GNAQ: variants seen among roughly 807,000 people sequenced by gnomAD.
The protein encoded by GNAQ is G protein subunit alpha q, also known as guanine nucleotide-binding protein G(q) subunit alpha.
Under a neutral mutation model 43.9 loss-of-function variants are expected in GNAQ, and 8 were observed. The ratio of observed to expected loss-of-function variants is 0.18; its 90% CI spans 0.11 to 0.33. The LOEUF (loss-of-function observed/expected upper bound fraction) is 0.33, where lower values mean the gene tolerates loss of function less well. GNAQ is among the 10% of genes least tolerant of loss of function. The probability of loss-of-function intolerance (pLI) is 1.00; values close to 1 mark genes in which losing one functional copy is unlikely to be tolerated. For synonymous variants in GNAQ, 155 were observed against 170.7 expected (o/e 0.91, Z 0.71); for missense variants, 158 against 450.8 (o/e 0.35, Z 5.88).
intron 3 of GNAQ, among the ~76,000 whole-genome samples, chr9:77,811,852 C>T (rs1826933167): frequency 6.6e-6 from 1 of 152,150 alleles, no homozygotes; most frequent in Non-Finnish European, 1.5e-5. Flanking sequence ...GTCCAGTTAA[C>T]TCTGGTTTAT....
chr9:78,030,930 A>ACGCGCCCG (rs773448805), intron 1 of GNAQ, among the ~76,000 whole-genome samples, 170 bp downstream of exon 1: 35 of 143,952 alleles, frequency 2.4e-4, no homozygotes, highest in South Asian at 8.6e-4. Flanking sequence ...TCTGTGTGTA[A>ACGCGCCCG]CGCGCCCGCG....
In GNAQ at chr9:77,985,594, A is replaced by AT. The variant is rs546572524; in HGVS notation, c.136+45505dup. On this transcript the variant is annotated intron_variant, in intron 1 of 6. Coordinates refer to ENST00000286548, the MANE Select transcript of GNAQ (RefSeq NM_002072.5). The stretch of plus-strand genomic sequence containing the variant: ...TATAATTTTTAATTTTTCTATTTTT[A>AT]TTTTTTTTGAGACAGAGTCTCGCTC... 4.8e-3 allele frequency among the ~76,000 whole-genome samples: 733 copies of AT among 151,820 alleles called. 7 individuals carry two copies. Among genetic ancestry groups the AT allele is most frequent in the Non-Finnish European group, 8.8e-3 (597 of 67,888 alleles).
At chr9:78,026,371 T>C (rs1202980052) in intron 1 of GNAQ, among the ~76,000 whole-genome samples, 1 of 152,204 alleles carries the variant, frequency 6.6e-6, no homozygotes, top group East Asian at 1.9e-4. Context: ...ATGAGGGATG[T>C]TCCCACTTTG....
chr9:77,793,584 C>T (rs1023674221), intron 5 of GNAQ, among the ~76,000 whole-genome samples: 2 of 152,038 alleles, frequency 1.3e-5, no homozygotes, highest in Non-Finnish European at 2.9e-5. Context: ...ACGGGGATCT[C>T]TCACTTCCTT....
At chr9:77,993,085 T>C (rs1338300304) in intron 1 of GNAQ, among the ~76,000 whole-genome samples, 1 of 152,204 alleles carries the variant, frequency 6.6e-6, no homozygotes, top group African/African-American at 2.4e-5. Context: ...ATGGTAACCT[T>C]ATATATAAAA....
intron 5 of GNAQ, among the ~76,000 whole-genome samples, chr9:77,761,351 G>A (rs1467327042): frequency 5.0e-4 from 62 of 124,246 alleles, no homozygotes; most frequent in African/African-American, 6.7e-4. Flanking sequence ...CCGGCCAGCC[G>A]CCCCGTCCGG....
chr9:77,898,818 T>C (rs934965006), intron 2 of GNAQ, among the ~76,000 whole-genome samples: 3 of 152,222 alleles, frequency 2.0e-5, no homozygotes, highest in African/African-American at 7.2e-5. Flanking sequence ...TTACAACATA[T>C]ACATTTTGAG....
chr9:77,857,835 C>A (rs1587367936), intron 2 of GNAQ, among the ~76,000 whole-genome samples: 1 of 148,058 alleles, frequency 6.8e-6, no homozygotes. Flanking sequence ...AATGAAAAAA[C>A]AATTTATAGG....
At chr9:77,999,908 G>A (rs1823622676) in intron 1 of GNAQ, among the ~76,000 whole-genome samples, 1 of 152,158 alleles carries the variant, frequency 6.6e-6, no homozygotes, top group Non-Finnish European at 1.5e-5. Flanking sequence ...AAAGCTCTAA[G>A]TTAGGGTAAC....
At chr9:77,995,046 T>C (rs1050174825) in intron 1 of GNAQ, among the ~76,000 whole-genome samples, 1 of 152,216 alleles carries the variant, frequency 6.6e-6, no homozygotes, top group Non-Finnish European at 1.5e-5. Context: ...ATGTGTGCTA[T>C]AGCAGCTCAT....
chr9:77,735,500 G>A (rs1180697083), intron 5 of GNAQ, among the ~76,000 whole-genome samples: 1 of 152,134 alleles, frequency 6.6e-6, no homozygotes, highest in Non-Finnish European at 1.5e-5. Context: ...CTCCAAAGCT[G>A]TATGAAAAAA....
At chr9:77,969,758 A>T (rs560894130) in intron 1 of GNAQ, among the ~76,000 whole-genome samples, 1 of 152,302 alleles carries the variant, frequency 6.6e-6, no homozygotes, top group South Asian at 2.1e-4. Context: ...ATGTGAAGGC[A>T]TCAAATTCAT....
chr9:77,910,832 C>T (rs1018861612), intron 2 of GNAQ, among the ~76,000 whole-genome samples: 2 of 152,148 alleles, frequency 1.3e-5, no homozygotes, highest in Non-Finnish European at 2.9e-5. Context: ...AATAAGAAAA[C>T]TGGAATTCAG....
chr9:77,958,417 A>C (rs1329926340), intron 1 of GNAQ, among the ~76,000 whole-genome samples: 2 of 152,206 alleles, frequency 1.3e-5, no homozygotes, highest in Non-Finnish European at 2.9e-5. Context: ...GCCAGCCATG[A>C]AATGTGCTGC....
At chr9:77,817,550 A>T (rs973943349) in intron 2 of GNAQ, among the ~76,000 whole-genome samples, 2 of 152,150 alleles carry the variant, frequency 1.3e-5, no homozygotes, top group African/African-American at 4.8e-5. Flanking sequence ...CCTCTTTATA[A>T]CTTAATTTTC....
At chr9:77,752,270 G>A (rs1413961323) in intron 5 of GNAQ, among the ~76,000 whole-genome samples, 1 of 152,166 alleles carries the variant, frequency 6.6e-6, no homozygotes, top group Non-Finnish European at 1.5e-5. Context: ...AAGTATTACA[G>A]AAATGTGAAA....
chr9:78,030,887 CTGTGTGTGTGTGTG>C (rs35071779), intron 1 of GNAQ, among the ~76,000 whole-genome samples, 199 bp downstream of exon 1: 7 of 146,078 alleles, frequency 4.8e-5, no homozygotes, highest in South Asian at 2.1e-4. Flanking sequence ...GTGTGTGTCG[CTGTGTGTGTGTGTG>C]TGTGTGTGTG....
intron 5 of GNAQ, among the ~76,000 whole-genome samples, chr9:77,769,290 T>C (rs747003978): frequency 1.1e-4 from 16 of 151,618 alleles, no homozygotes; most frequent in Admixed American, 1.3e-4. Flanking sequence ...TAATCCCAAC[T>C]ACTTGGGAGG....
Position 78,031,757 on chromosome 9 carries a change from T to G in GNAQ, c.-522A>C, listed in dbSNP as rs1324695232. 1.4e-5 allele frequency among the ~76,000 whole-genome samples: 2 copies of G among 145,540 alleles called. No homozygotes were observed. The highest frequency in any genetic ancestry group is 3.0e-5 in the Non-Finnish European group (2 of 65,768). ...CGGCTCCCGGGCGCCCTCGGCCCTGTCCGCGCCCACCGCCCGGCTCGCGCG... is the reference window on the plus strand; with the variant it reads ...CGGCTCCCGGGCGCCCTCGGCCCTGGCCGCGCCCACCGCCCGGCTCGCGCG... On this transcript the variant is annotated 5_prime_UTR_variant, in exon 1 of 7. Coordinates refer to ENST00000286548, the MANE Select transcript of GNAQ (RefSeq NM_002072.5).
Sources: gnomAD v4.1 joint callset for allele counts (sites outside exome capture counted in the v4.1 genomes callset) on GRCh38, gnomAD v4.1.1 for gene constraint, MANE v1.5 for transcripts, NCBI Gene and HGNC (gene_info 2026-07-23, HGNC 2026-07-21) for gene names.